The following RORA variants were observed in gnomAD, a reference collection of about 807,000 sequenced individuals.
RORA encodes the protein nuclear receptor ROR-alpha.
Under a neutral mutation model 69.5 loss-of-function variants are expected in RORA, and 7 were observed. That is an observed-to-expected ratio of 0.10 (90% CI 0.06 to 0.19). The LOEUF (loss-of-function observed/expected upper bound fraction) is 0.19. RORA is among the 10% of genes least tolerant of loss of function. The probability of loss-of-function intolerance (pLI) is 1.00; values close to 1 mark genes in which losing one functional copy is unlikely to be tolerated. For missense variants in RORA, 457 were observed against 663.0 expected, an observed-to-expected ratio of 0.69 and a Z score of 3.41; for synonymous variants, 261 against 240.8, an observed-to-expected ratio of 1.08 and a Z score of -0.78.
chr15:60,640,632 T>C (rs949006538), intron 2 of RORA, among the ~76,000 whole-genome samples: 1 of 152,098 alleles, frequency 6.6e-6, no homozygotes, highest in African/African-American at 2.4e-5. Context: ...TAAAATTTTT[T>C]TTTTCCGGTT....
chr15:61,185,962 C>T (rs187714385), intron 1 of RORA, among the ~76,000 whole-genome samples: 28 of 152,274 alleles, frequency 1.8e-4, no homozygotes, highest in African/African-American at 6.5e-4. Flanking sequence ...CATCCTTCAC[C>T]ACCCAGCTCT....
chr15:60,949,090 G>C (rs1294562696), intron 1 of RORA, among the ~76,000 whole-genome samples: 3 of 152,184 alleles, frequency 2.0e-5, no homozygotes, highest in Non-Finnish European at 2.9e-5. Context: ...GTGGTGTCCA[G>C]TCCTGCATTC....
intron 1 of RORA, among the ~76,000 whole-genome samples, chr15:60,987,765 T>C (rs1894250355): frequency 6.6e-6 from 1 of 152,186 alleles, no homozygotes; most frequent in Admixed American, 6.5e-5. Flanking sequence ...TGCCTTCATT[T>C]AACTCTCCAA....
chr15:60,533,403 T>C (rs1343467161), intron 2 of RORA, among the ~76,000 whole-genome samples: 1 of 152,210 alleles, frequency 6.6e-6, no homozygotes, highest in East Asian at 1.9e-4. Context: ...CAAGTTAATA[T>C]GTTTAAGGTT....
chr15:61,180,908 A>C (rs550978057), intron 1 of RORA, among the ~76,000 whole-genome samples: 5 of 152,320 alleles, frequency 3.3e-5, no homozygotes, highest in Non-Finnish European at 4.4e-5. Context: ...GTTTGAGACC[A>C]GTCTGGCCAA....
At chr15:60,811,995 T>A (rs576797296) in intron 1 of RORA, among the ~76,000 whole-genome samples, 98 of 152,304 alleles carry the variant, frequency 6.4e-4, no homozygotes, top group Middle Eastern at 3.4e-3. Flanking sequence ...CAAAGTTGAA[T>A]CAAGCAGTAG....
intron 2 of RORA, among the ~76,000 whole-genome samples, chr15:60,580,323 C>T (rs753376886): frequency 5.1e-4 from 77 of 152,108 alleles, no homozygotes; most frequent in Non-Finnish European, 7.9e-4. Context: ...AGACATCCAC[C>T]CACAAGGTTA....
chr15:60,682,932 G>A (rs2070667583), intron 1 of RORA, among the ~76,000 whole-genome samples: 1 of 152,238 alleles, frequency 6.6e-6, no homozygotes, highest in Non-Finnish European at 1.5e-5. Flanking sequence ...TGCGCCCAAA[G>A]TGAACACGGT....
At chr15:61,201,341 A>G (rs1395566781) in intron 1 of RORA, among the ~76,000 whole-genome samples, 2 of 152,234 alleles carry the variant, frequency 1.3e-5, no homozygotes, top group Non-Finnish European at 2.9e-5. Flanking sequence ...TTTGTTGGAG[A>G]GGCCTGGGTT....
intron 1 of RORA, among the ~76,000 whole-genome samples, chr15:61,139,938 G>A (rs763450106): frequency 5.3e-5 from 8 of 152,130 alleles, no homozygotes; most frequent in Non-Finnish European, 1.0e-4. Flanking sequence ...ATTGTTACCT[G>A]ATTGGAAGTT....
chr15:60,801,463 T>C (rs1004317081), intron 1 of RORA, among the ~76,000 whole-genome samples: 1 of 152,236 alleles, frequency 6.6e-6, no homozygotes, highest in Non-Finnish European at 1.5e-5. Flanking sequence ...GGCTCAGGAA[T>C]ACAGAACGGC....
chr15:61,135,146 TAAAAAAAA>T (rs59644906), intron 1 of RORA, among the ~76,000 whole-genome samples: 1 of 56,582 alleles, frequency 1.8e-5, no homozygotes, highest in African/African-American at 6.4e-5. Flanking sequence ...CATCTCTTAC[TAAAAAAAA>T]AAAAAAAAAA....
intron 1 of RORA, among the ~76,000 whole-genome samples, chr15:60,922,918 T>A (rs991890552): frequency 2.0e-5 from 3 of 152,204 alleles, no homozygotes; most frequent in African/African-American, 7.2e-5. Context: ...TTGTCACACA[T>A]ATATGCAGAA....
intron 1 of RORA, among the ~76,000 whole-genome samples, chr15:60,971,914 G>T (rs1202922011): frequency 3.3e-5 from 5 of 152,160 alleles, no homozygotes; most frequent in Non-Finnish European, 7.3e-5. Flanking sequence ...CCAGGGCAGT[G>T]GTTCCCAAGC....
chr15:61,090,882 C>A (rs1010697379), intron 1 of RORA, among the ~76,000 whole-genome samples: 1 of 151,956 alleles, frequency 6.6e-6, no homozygotes, highest in African/African-American at 2.4e-5. Context: ...TTCACCACCT[C>A]GACACACGCA....
chr15:61,107,005 C>T (rs1221170427), intron 1 of RORA, among the ~76,000 whole-genome samples: 1 of 152,188 alleles, frequency 6.6e-6, no homozygotes, highest in East Asian at 1.9e-4. Flanking sequence ...TCTCCTCCTA[C>T]ACACATCATC....
intron 1 of RORA, among the ~76,000 whole-genome samples, chr15:61,161,770 C>A (rs2079498050): frequency 6.6e-6 from 1 of 152,038 alleles, no homozygotes; most frequent in Non-Finnish European, 1.5e-5. Flanking sequence ...ATATGAAGTG[C>A]AAATCTATTA....
chr15:61,116,916 A>G (rs933758791), intron 1 of RORA, among the ~76,000 whole-genome samples: 6 of 151,984 alleles, frequency 3.9e-5, no homozygotes, highest in African/African-American at 1.4e-4. Flanking sequence ...TTTACCCCCT[A>G]TCTGGTTTAC....
At chr15:60,757,400 C>T (rs1273379697) in intron 1 of RORA, among the ~76,000 whole-genome samples, 1 of 152,230 alleles carries the variant, frequency 6.6e-6, no homozygotes, top group Admixed American at 6.5e-5. Context: ...TCCCCTCAAG[C>T]TGCCACCTTA....
Sources: allele counts gnomAD v4.1 joint callset (sites outside exome capture counted in the v4.1 genomes callset), GRCh38; gene constraint gnomAD v4.1.1; transcripts MANE v1.5; gene names NCBI Gene and HGNC (gene_info 2026-07-23, HGNC 2026-07-21).